Variants in GSK3B observed in about 807,000 individuals in gnomAD.
The protein encoded by GSK3B is glycogen synthase kinase 3 beta, also known as glycogen synthase kinase-3 beta.
In GSK3B, 15 loss-of-function variants were observed where a neutral mutation model predicts 56.4. The ratio of observed to expected loss-of-function variants is 0.27; its 90% confidence interval spans 0.18 to 0.41. GSK3B has a LOEUF of 0.41. Ranked by LOEUF, GSK3B falls within the 10% of genes least tolerant of loss-of-function variation. GSK3B has a pLI of 1.00. For missense variants in GSK3B, 300 were observed against 513.4 expected, an observed-to-expected ratio of 0.58 and a Z score of 4.02; for synonymous variants, 181 against 188.9, an observed-to-expected ratio of 0.96 and a Z score of 0.34.
At chr3:119,923,585 T>C (rs1393172458) in intron 3 of GSK3B, 102 bp from the exon 4 acceptor site, 2 of 499,232 alleles carry the variant, frequency 4.0e-6, no homozygotes, top group Non-Finnish European at 7.0e-6. Context: ...CTTATTCGGA[T>C]TTTTAAAGAT....
At chr3:120,076,706 C>A (rs994335102) in intron 1 of GSK3B, among the ~76,000 whole-genome samples, 1 of 148,826 alleles carries the variant, frequency 6.7e-6, no homozygotes, top group African/African-American at 2.5e-5. Context: ...CCCAGCTACA[C>A]GGGAGGCTGA....
chr3:119,947,177 G>T, intron 3 of GSK3B, 91 bp downstream of exon 3: 1 of 796,576 alleles, frequency 1.3e-6, no homozygotes, highest in Non-Finnish European at 2.1e-6. Context: ...CATTCCATTA[G>T]CAAAACTGTC....
At chr3:119,988,908 G>A (rs935537161) in intron 2 of GSK3B, among the ~76,000 whole-genome samples, 2 of 152,006 alleles carry the variant, frequency 1.3e-5, no homozygotes, top group African/African-American at 4.8e-5. Context: ...AATAAAAATG[G>A]GAAACTGGAA....
intron 2 of GSK3B, among the ~76,000 whole-genome samples, chr3:119,973,883 A>G (rs888213725): frequency 6.6e-6 from 1 of 152,212 alleles, no homozygotes; most frequent in East Asian, 1.9e-4. Flanking sequence ...AAATAACTGT[A>G]GTGCTGGAAA....
At chr3:119,854,658 G>A (rs535158866) in intron 9 of GSK3B, among the ~76,000 whole-genome samples, 107 of 152,288 alleles carry the variant, frequency 7.0e-4, no homozygotes, top group South Asian at 1.5e-3. Context: ...GAGGGTGTAT[G>A]TTTCCAGGAA....
intron 9 of GSK3B, among the ~76,000 whole-genome samples, chr3:119,844,237 A>C (rs533820383): frequency 6.6e-6 from 1 of 152,308 alleles, no homozygotes; most frequent in Admixed American, 6.5e-5. Context: ...AAAGATGTAA[A>C]ATTGACACCC....
chr3:119,922,808 C>T (rs1475778778), intron 4 of GSK3B, among the ~76,000 whole-genome samples: 2 of 151,948 alleles, frequency 1.3e-5, no homozygotes, highest in Admixed American at 1.3e-4. Flanking sequence ...AATAACTAAC[C>T]ACAACTTTAA....
chr3:119,963,041 C>G (rs1190304235), intron 2 of GSK3B, among the ~76,000 whole-genome samples: 1 of 152,070 alleles, frequency 6.6e-6, no homozygotes. Flanking sequence ...TTGGGGGCCC[C>G]TGTTATACAC....
chr3:119,943,612 G>T (rs923935263), intron 3 of GSK3B, among the ~76,000 whole-genome samples: 1 of 152,002 alleles, frequency 6.6e-6, no homozygotes, highest in African/African-American at 2.4e-5. Context: ...GAGAGACAAC[G>T]AAGAAGATTT....
intron 1 of GSK3B, among the ~76,000 whole-genome samples, chr3:120,038,247 A>G (rs2058038098): frequency 6.6e-6 from 1 of 152,192 alleles, no homozygotes; most frequent in Admixed American, 6.5e-5. Flanking sequence ...CTTCAATTTT[A>G]GTTATCATAA....
At chr3:120,047,980 T>C (rs529534593) in intron 1 of GSK3B, among the ~76,000 whole-genome samples, 1 of 152,244 alleles carries the variant, frequency 6.6e-6, no homozygotes, top group Non-Finnish European at 1.5e-5. Context: ...ATATCAATGC[T>C]GTCCAGCTCT....
chr3:119,984,306 C>A (rs1316153698), intron 2 of GSK3B, among the ~76,000 whole-genome samples: 4 of 149,992 alleles, frequency 2.7e-5, no homozygotes, highest in African/African-American at 9.8e-5. Context: ...ACTAGACAAG[C>A]AAAAGCAAAC....
At chr3:120,026,512 T>TACACACACAC (rs61580328) in intron 1 of GSK3B, among the ~76,000 whole-genome samples, 11,661 of 130,156 alleles carry the variant, frequency 0.09, 486 homozygotes, top group Admixed American at 0.13. Flanking sequence ...TACCGCCAAA[T>TACACACACAC]ACACACACAC....
At position 120,051,699 on chromosome 3, in the gene GSK3B, G is replaced by A. The variant is rs953483249; in HGVS notation, c.88+41648C>T. On this transcript the variant is annotated intron_variant, in intron 1 of 10. Coordinates refer to ENST00000264235, the MANE Select transcript of GSK3B (RefSeq NM_001146156.2). ...CGAGAATCACTTGAACCCAAGAGGC[G>A]GAGGTCACAGTGAGCAGAGATCATG... Among the ~76,000 whole-genome samples, 16 of 151,470 alleles carry A rather than the reference G, an allele frequency of 1.1e-4. No individual in the cohort carries two copies. In the South Asian group the frequency reaches 1.9e-3, roughly 18 times the overall value.
intron 2 of GSK3B, among the ~76,000 whole-genome samples, chr3:119,953,235 C>T (rs2057175362): frequency 6.6e-6 from 1 of 151,982 alleles, no homozygotes; most frequent in Admixed American, 6.6e-5. Context: ...AGACGATACA[C>T]TAAAAAATAT....
At chr3:120,047,756 T>C (rs1181329184) in intron 1 of GSK3B, among the ~76,000 whole-genome samples, 6 of 152,140 alleles carry the variant, frequency 3.9e-5, no homozygotes, top group East Asian at 1.9e-4. Flanking sequence ...TGGTAATAAA[T>C]ACAATATTTT....
At chr3:120,032,128 T>A (rs774398841) in intron 1 of GSK3B, among the ~76,000 whole-genome samples, 1 of 152,208 alleles carries the variant, frequency 6.6e-6, no homozygotes. Context: ...TTATAAGGAC[T>A]ACATATTGAA....
chr3:119,848,101 A>C (rs1440816363), intron 9 of GSK3B, among the ~76,000 whole-genome samples: 1 of 152,212 alleles, frequency 6.6e-6, no homozygotes, highest in Admixed American at 6.5e-5. Context: ...GCATGGGGGA[A>C]GCTGTCTCTG....
intron 10 of GSK3B, among the ~76,000 whole-genome samples, chr3:119,838,066 T>C (rs537941495): frequency 1.3e-5 from 2 of 151,312 alleles, no homozygotes; most frequent in South Asian, 4.2e-4. Flanking sequence ...GGCAGGCAGA[T>C]CACTTGAGGC....
Sources: allele counts gnomAD v4.1 joint callset (sites outside exome capture counted in the v4.1 genomes callset), GRCh38; gene constraint gnomAD v4.1.1; transcripts MANE v1.5; gene names NCBI Gene and HGNC (gene_info 2026-07-23, HGNC 2026-07-21).